The following COL24A1 variants were observed in gnomAD, a reference collection of about 807,000 sequenced individuals.
COL24A1 encodes collagen alpha-1(XXIV) chain.
In COL24A1, 224 loss-of-function variants were observed where a neutral mutation model predicts 253.9. The ratio of observed to expected loss-of-function variants is 0.88; its 90% confidence interval spans 0.79 to 0.99. COL24A1 has a LOEUF of 0.99. Among genes scored for constraint, COL24A1 ranks in the 50% least tolerant of loss-of-function variants. The pLI, the probability that COL24A1 is intolerant of heterozygous loss-of-function variation, is 0.00. For missense variants in COL24A1, 2,131 were observed against 2,068.5 expected, an observed-to-expected ratio of 1.03 and a Z score of -0.59; for synonymous variants, 685 against 673.7, an observed-to-expected ratio of 1.02 and a Z score of -0.26.
chr1:86,068,653 G>A (rs1373920601), intron 7 of COL24A1, among the ~76,000 whole-genome samples: 1 of 152,176 alleles, frequency 6.6e-6, no homozygotes, highest in East Asian at 1.9e-4. Flanking sequence ...GGCTAATGGA[G>A]TGTGAGCACC....
intron 39 of COL24A1, among the ~76,000 whole-genome samples, chr1:85,843,026 C>A (rs758702530): frequency 4.6e-4 from 70 of 151,440 alleles, no homozygotes; most frequent in Non-Finnish European, 7.2e-4. Context: ...AACAAACAAA[C>A]AAAAAAAACC....
chr1:86,085,647 G>A (rs1703006262), intron 7 of COL24A1, among the ~76,000 whole-genome samples: 1 of 152,128 alleles, frequency 6.6e-6, no homozygotes, highest in Admixed American at 6.5e-5. Context: ...TAGGACTCTT[G>A]TCTTCCATTC....
chr1:85,941,534 C>CT (rs1170187151), intron 24 of COL24A1, among the ~76,000 whole-genome samples: 1 of 152,062 alleles, frequency 6.6e-6, no homozygotes, highest in African/African-American at 2.4e-5. Context: ...CTCTAAAACT[C>CT]TACGATTTTA....
chr1:85,795,137 A>G (rs954033705), intron 47 of COL24A1, among the ~76,000 whole-genome samples: 1 of 152,214 alleles, frequency 6.6e-6, no homozygotes, highest in Non-Finnish European at 1.5e-5. Context: ...GGTGTCAGTT[A>G]AGGAAAGAAG....
intron 28 of COL24A1, among the ~76,000 whole-genome samples, chr1:85,901,137 A>G (rs1316214065): frequency 6.6e-6 from 1 of 152,212 alleles, no homozygotes; most frequent in Non-Finnish European, 1.5e-5. Context: ...GAATGAGAGA[A>G]CATATTTGCA....
intron 47 of COL24A1, among the ~76,000 whole-genome samples, chr1:85,806,855 G>A (rs937091917): frequency 9.2e-5 from 14 of 152,232 alleles, no homozygotes; most frequent in Non-Finnish European, 2.1e-4. Context: ...TACCAAAGGG[G>A]TATGAATGGG....
At chr1:86,151,783 T>C (rs372179988) in intron 1 of COL24A1, among the ~76,000 whole-genome samples, 4 of 152,232 alleles carry the variant, frequency 2.6e-5, no homozygotes, top group East Asian at 3.8e-4. Flanking sequence ...TTATAACTTA[T>C]GTCTTCAGGC....
At chr1:85,973,415 T>C (rs1692367057) in intron 20 of COL24A1, among the ~76,000 whole-genome samples, 1 of 152,110 alleles carries the variant, frequency 6.6e-6, no homozygotes, top group Non-Finnish European at 1.5e-5. Flanking sequence ...AAAGTATAAA[T>C]AAGAATTTAG....
chr1:85,891,970 T>C (rs1296675710), intron 31 of COL24A1, among the ~76,000 whole-genome samples: 1 of 152,190 alleles, frequency 6.6e-6, no homozygotes, highest in African/African-American at 2.4e-5. Flanking sequence ...CCAGTAACTA[T>C]GATAATGATG....
chr1:85,892,248 T>TAA (rs1428387780), intron 31 of COL24A1, among the ~76,000 whole-genome samples: 1 of 152,040 alleles, frequency 6.6e-6, no homozygotes, highest in African/African-American at 2.4e-5. Flanking sequence ...TATATATATA[T>TAA]AACTGTGGAC....
intron 47 of COL24A1, among the ~76,000 whole-genome samples, chr1:85,793,667 T>C (rs1570640536): frequency 6.6e-6 from 1 of 152,304 alleles, no homozygotes; most frequent in East Asian, 1.9e-4. Context: ...TTCTGTTCCA[T>C]ACCTATGGGA....
chr1:85,792,263 A>G (rs977309607), intron 47 of COL24A1, among the ~76,000 whole-genome samples: 50 of 152,102 alleles, frequency 3.3e-4, no homozygotes, highest in Non-Finnish European at 1.0e-4. Flanking sequence ...GTTATTCAAT[A>G]GTTTCTCCAT....
At chr1:86,060,327 C>A (rs1043437113) in intron 8 of COL24A1, among the ~76,000 whole-genome samples, 1 of 152,156 alleles carries the variant, frequency 6.6e-6, no homozygotes, top group African/African-American at 2.4e-5. Flanking sequence ...CTGATGACAA[C>A]AATGTTTAAG....
At chr1:86,143,592 A>G (rs181201639) in intron 2 of COL24A1, among the ~76,000 whole-genome samples, 4 of 152,258 alleles carry the variant, frequency 2.6e-5, no homozygotes, top group Non-Finnish European at 4.4e-5. Context: ...AGAGAATAGT[A>G]ATGTTAAGTC....
At chr1:85,854,816 G>A (rs556247) in intron 37 of COL24A1, among the ~76,000 whole-genome samples, 55,974 of 151,460 alleles carry the variant, frequency 0.37, 11,503 homozygotes, top group East Asian at 0.58. Flanking sequence ...CGATTCTCCC[G>A]CCTCAGCCTC....
At chr1:85,822,269 A>G (rs957421322) in intron 45 of COL24A1, among the ~76,000 whole-genome samples, 3 of 152,226 alleles carry the variant, frequency 2.0e-5, no homozygotes, top group South Asian at 4.1e-4. Context: ...ACTTACTCCC[A>G]TAAGTGGAAA....
intron 4 of COL24A1, 98 bp downstream of exon 4, chr1:86,115,227 G>T: frequency 2.5e-6 from 3 of 1,188,328 alleles, no homozygotes; most frequent in Non-Finnish European, 3.6e-6. Context: ...GATCCAGGCA[G>T]GTTTCCAAAG....
chr1:86,109,245 C>T (rs544513773), intron 5 of COL24A1, among the ~76,000 whole-genome samples: 41 of 152,234 alleles, frequency 2.7e-4, no homozygotes, highest in African/African-American at 8.7e-4. Context: ...ATTACTTATC[C>T]AGACTTGATT....
chr1:85,972,924 T>A lies in COL24A1; in HGVS notation c.2365-1531A>T, dbSNP rs185817163. ...ATGGAGAGAGTTGGAGTGACTGGGC[T>A]CTTCTGAAATTGTTTAGAGTCCTGA... On this transcript the variant is annotated intron_variant, in intron 20 of 59. Coordinates refer to ENST00000370571, the MANE Select transcript of COL24A1 (RefSeq NM_152890.7). 9.2e-5 allele frequency among the ~76,000 whole-genome samples: 14 copies of A among 152,330 alleles called. No homozygotes were observed. The East Asian group carries it at 2.3e-3, about 25-fold the overall frequency.
Sources: gnomAD v4.1 joint callset for allele counts (sites outside exome capture counted in the v4.1 genomes callset) on GRCh38, gnomAD v4.1.1 for gene constraint, MANE v1.5 for transcripts, NCBI Gene and HGNC (gene_info 2026-07-23, HGNC 2026-07-21) for gene names.